ANKS1B: variants seen among roughly 807,000 people sequenced by gnomAD.
ANKS1B encodes the protein ankyrin repeat and sterile alpha motif domain-containing protein 1B.
ANKS1B carries 36 observed loss-of-function variants against 148.3 expected under a neutral mutation model. The ratio of observed to expected loss-of-function variants is 0.24; its 90% CI spans 0.19 to 0.32. ANKS1B has a LOEUF of 0.32. ANKS1B is among the 10% of genes least tolerant of loss of function. The probability of loss-of-function intolerance (pLI) is 1.00; values close to 1 mark genes in which losing one functional copy is unlikely to be tolerated. For missense variants in ANKS1B, 1,157 were observed against 1,542.6 expected, an observed-to-expected ratio of 0.75 and a Z score of 4.19; for synonymous variants, 542 against 560.8, an observed-to-expected ratio of 0.97 and a Z score of 0.47.
intron 12 of ANKS1B, among the ~76,000 whole-genome samples, chr12:99,300,412 C>A (rs991447110): frequency 1.3e-4 from 19 of 151,874 alleles, no homozygotes; most frequent in African/African-American, 4.3e-4. Context: ...TTTGTTTTCT[C>A]TCACAACACT....
At chr12:99,815,948 T>G (rs1796383785) in intron 2 of ANKS1B, among the ~76,000 whole-genome samples, 1 of 151,854 alleles carries the variant, frequency 6.6e-6, no homozygotes, top group Non-Finnish European at 1.5e-5. Context: ...TATACACATG[T>G]GTGCATGTGT....
chr12:98,743,751 T>TTAA (rs1374728197), downstream of ANKS1B, among the ~76,000 whole-genome samples: 9 of 152,370 alleles, frequency 5.9e-5, no homozygotes, highest in African/African-American at 1.7e-4. Flanking sequence ...ACAGTCTGCT[T>TTAA]TAATATTTAA....
At chr12:99,807,895 A>G (rs1317117728) in intron 3 of ANKS1B, among the ~76,000 whole-genome samples, 1 of 152,160 alleles carries the variant, frequency 6.6e-6, no homozygotes, top group African/African-American at 2.4e-5. Flanking sequence ...AAAACTATAT[A>G]TATTGTCTCA....
At chr12:99,161,945 T>A (rs78366108) in intron 14 of ANKS1B, among the ~76,000 whole-genome samples, 2 of 152,014 alleles carry the variant, frequency 1.3e-5, no homozygotes, top group Non-Finnish European at 2.9e-5. Context: ...CTTGAGAGGA[T>A]AAATACAACG....
At chr12:99,320,809 G>A (rs1414004991) in intron 12 of ANKS1B, among the ~76,000 whole-genome samples, 1 of 152,134 alleles carries the variant, frequency 6.6e-6, no homozygotes, top group African/African-American at 2.4e-5. Flanking sequence ...TTTGTGCTCT[G>A]GTTTCTCCCC....
chr12:99,611,009 G>A (rs555270981), intron 9 of ANKS1B, among the ~76,000 whole-genome samples: 9 of 152,018 alleles, frequency 5.9e-5, no homozygotes, highest in Non-Finnish European at 1.2e-4. Flanking sequence ...AATCACATAA[G>A]TTTAGGAAAT....
At chr12:99,759,741 A>T (rs577180069) in intron 8 of ANKS1B, among the ~76,000 whole-genome samples, 16 of 151,888 alleles carry the variant, frequency 1.1e-4, no homozygotes, top group Non-Finnish European at 1.9e-4. Context: ...ATGACAAATG[A>T]ACAAGGTAAA....
intron 16 of ANKS1B, among the ~76,000 whole-genome samples, chr12:99,066,730 G>A (rs962397873): frequency 6.6e-6 from 1 of 152,204 alleles, no homozygotes; most frequent in Non-Finnish European, 1.5e-5. Context: ...CTAAAGTAAA[G>A]GCAGCAAGAA....
chr12:98,749,266 CT>C (rs76494857), intron 26 of ANKS1B, among the ~76,000 whole-genome samples: 359 of 143,650 alleles, frequency 2.5e-3, no homozygotes, highest in South Asian at 4.3e-3. Flanking sequence ...GCCCAGCTAA[CT>C]TTTTTTTTTT....
intron 19 of ANKS1B, among the ~76,000 whole-genome samples, chr12:98,822,156 T>C (rs968652312): frequency 2.0e-5 from 3 of 152,122 alleles, no homozygotes; most frequent in East Asian, 3.9e-4. Context: ...TTTTTGTTAC[T>C]TACATGCATC....
intron 9 of ANKS1B, among the ~76,000 whole-genome samples, chr12:99,561,843 C>T (rs1381733571): frequency 6.6e-6 from 1 of 152,142 alleles, no homozygotes; most frequent in East Asian, 1.9e-4. Context: ...TGACCTCCTC[C>T]CATGAATCAC....
At chr12:99,749,430 G>C (rs897436137) in intron 8 of ANKS1B, among the ~76,000 whole-genome samples, 1 of 152,078 alleles carries the variant, frequency 6.6e-6, no homozygotes, top group African/African-American at 2.4e-5. Flanking sequence ...GGGAAAGGCA[G>C]ATTCCAGATT....
intron 14 of ANKS1B, among the ~76,000 whole-genome samples, chr12:99,205,612 C>T (rs2712662): frequency 0.55 from 83,343 of 151,870 alleles, 23,920 homozygotes; most frequent in Non-Finnish European, 0.63. Flanking sequence ...GGTTGGACTC[C>T]GGTCTTTTTG....
At chr12:99,009,433 C>G (rs553525808) in intron 17 of ANKS1B, among the ~76,000 whole-genome samples, 1 of 152,262 alleles carries the variant, frequency 6.6e-6, no homozygotes, top group South Asian at 2.1e-4. Context: ...ATGCTGAGCT[C>G]TCGGTTCTAT....
intron 15 of ANKS1B, among the ~76,000 whole-genome samples, chr12:99,148,915 C>G (rs747955384): frequency 1.3e-5 from 2 of 151,952 alleles, no homozygotes; most frequent in Admixed American, 6.6e-5. Flanking sequence ...GCTGTACTTT[C>G]AACATAAGGC....
At chr12:99,517,720 G>A (rs951323066) in intron 9 of ANKS1B, among the ~76,000 whole-genome samples, 3 of 152,070 alleles carry the variant, frequency 2.0e-5, no homozygotes, top group Non-Finnish European at 4.4e-5. Flanking sequence ...TCTTTCTCTT[G>A]TTGGATTGCT....
chr12:99,588,449 C>T (rs1479516020), intron 9 of ANKS1B, among the ~76,000 whole-genome samples: 1 of 151,268 alleles, frequency 6.6e-6, no homozygotes, highest in African/African-American at 2.4e-5. Context: ...CAGAGTCTCG[C>T]TCTGTCACCC....
intron 17 of ANKS1B, among the ~76,000 whole-genome samples, chr12:98,919,874 G>A (rs1172193025): frequency 6.6e-6 from 1 of 152,128 alleles, no homozygotes; most frequent in Non-Finnish European, 1.5e-5. Context: ...CTAGCAAAAG[G>A]CAGGGGGATA....
At chr12:99,131,609 C>G (rs7298691) in intron 15 of ANKS1B, among the ~76,000 whole-genome samples, 96,093 of 151,526 alleles carry the variant, frequency 0.63, 30,807 homozygotes, top group East Asian at 0.75. Flanking sequence ...TCAATAGATA[C>G]AGGCCATTTC....
Sources: allele counts gnomAD v4.1 joint callset (sites outside exome capture counted in the v4.1 genomes callset), GRCh38; gene constraint gnomAD v4.1.1; transcripts MANE v1.5; gene names NCBI Gene and HGNC (gene_info 2026-07-23, HGNC 2026-07-21).